CCDC91: variants seen among roughly 807,000 people sequenced by gnomAD.
The protein encoded by CCDC91 is coiled-coil domain containing 91, also known as coiled-coil domain-containing protein 91.
In CCDC91, 48 loss-of-function variants were observed where a neutral mutation model predicts 63.2. The observed-to-expected ratio is 0.76, with a 90% confidence interval of 0.60 to 0.97. CCDC91 has a LOEUF of 0.97. Ranked by LOEUF, CCDC91 falls within the 50% of genes least tolerant of loss-of-function variation. The pLI, the probability that CCDC91 is intolerant of heterozygous loss-of-function variation, is 0.00. For synonymous variants in CCDC91, 167 were observed against 165.8 expected (o/e 1.01, Z -0.06); for missense variants, 500 against 494.6 (o/e 1.01, Z -0.10).
At chr12:28,539,942 A>G (rs1290794721) in intron 12 of CCDC91, among the ~76,000 whole-genome samples, 2 of 152,176 alleles carry the variant, frequency 1.3e-5, no homozygotes, top group Non-Finnish European at 2.9e-5. Flanking sequence ...AAGTCTGTTC[A>G]CAGTAACTTT....
At chr12:28,445,852 C>T (rs1208059649) in intron 8 of CCDC91, among the ~76,000 whole-genome samples, 1 of 152,138 alleles carries the variant, frequency 6.6e-6, no homozygotes. Flanking sequence ...TTTGTCTAAT[C>T]CCAGTTACCT....
intron 6 of CCDC91, among the ~76,000 whole-genome samples, chr12:28,335,969 A>G (rs532923275): frequency 6.6e-6 from 1 of 151,492 alleles, no homozygotes; most frequent in Non-Finnish European, 1.5e-5. Context: ...AAACCACACA[A>G]TTTTTTATCT....
intron 1 of CCDC91, among the ~76,000 whole-genome samples, chr12:28,207,674 A>G (rs1409868048): frequency 6.6e-6 from 1 of 152,202 alleles, no homozygotes; most frequent in African/African-American, 2.4e-5. Context: ...ATGGAATGGA[A>G]CATTGGTTAT....
At chr12:28,211,482 T>C (rs1943230273) in intron 1 of CCDC91, among the ~76,000 whole-genome samples, 1 of 152,184 alleles carries the variant, frequency 6.6e-6, no homozygotes. Flanking sequence ...CCATCATCCC[T>C]AAATCTTTTT....
intron 12 of CCDC91, among the ~76,000 whole-genome samples, chr12:28,490,580 T>G (rs1402719270): frequency 6.6e-6 from 1 of 151,844 alleles, no homozygotes; most frequent in Non-Finnish European, 1.5e-5. Context: ...GGTCACAAAT[T>G]TATCCTTCTT....
chr12:28,244,411 A>T (rs143348800), intron 1 of CCDC91, among the ~76,000 whole-genome samples: 1 of 151,670 alleles, frequency 6.6e-6, no homozygotes, highest in African/African-American at 2.4e-5. Context: ...TGTATAACAA[A>T]TCCAAATTTA....
chr12:28,275,631 A>G (rs1948155556), intron 3 of CCDC91, among the ~76,000 whole-genome samples: 1 of 152,174 alleles, frequency 6.6e-6, no homozygotes, highest in Non-Finnish European at 1.5e-5. Flanking sequence ...TGAGGCCAGC[A>G]TCATCCTGAT....
At chr12:28,465,610 T>C (rs1319806948) in intron 11 of CCDC91, among the ~76,000 whole-genome samples, 1 of 152,182 alleles carries the variant, frequency 6.6e-6, no homozygotes, top group East Asian at 1.9e-4. Context: ...AACCACAGCA[T>C]TCAGTAAGGG....
chr12:28,406,505 G>T (rs1946955474), intron 8 of CCDC91, among the ~76,000 whole-genome samples: 2 of 152,090 alleles, frequency 1.3e-5, no homozygotes, highest in Non-Finnish European at 2.9e-5. Flanking sequence ...GAGAGTTCTT[G>T]ATATATTCTA....
intron 8 of CCDC91, among the ~76,000 whole-genome samples, chr12:28,398,847 A>C (rs908631705): frequency 2.6e-5 from 4 of 152,158 alleles, no homozygotes; most frequent in Non-Finnish European, 5.9e-5. Context: ...TATGTTGTCT[A>C]CTTTCGTAAA....
At chr12:28,375,417 G>A (rs1592476098) in intron 7 of CCDC91, among the ~76,000 whole-genome samples, 1 of 151,546 alleles carries the variant, frequency 6.6e-6, no homozygotes, top group African/African-American at 2.4e-5. Flanking sequence ...TATCCACTTC[G>A]GAATAAAAGA....
intron 3 of CCDC91, among the ~76,000 whole-genome samples, chr12:28,259,697 T>G (rs1946699957): frequency 6.6e-6 from 1 of 151,946 alleles, no homozygotes; most frequent in Admixed American, 6.6e-5. Context: ...CAATTTACAT[T>G]TTTAAATTTA....
intron 6 of CCDC91, among the ~76,000 whole-genome samples, chr12:28,343,834 T>C (rs1263274782): frequency 6.6e-6 from 1 of 152,164 alleles, no homozygotes; most frequent in East Asian, 1.9e-4. Context: ...CTATCTAGGC[T>C]GATGCCTCTG....
At chr12:28,231,814 A>G (rs1044214442) in intron 1 of CCDC91, among the ~76,000 whole-genome samples, 1 of 152,170 alleles carries the variant, frequency 6.6e-6, no homozygotes, top group Non-Finnish European at 1.5e-5. Flanking sequence ...GATATCACAT[A>G]TAATTTGAAG....
chr12:28,544,405 T>C (rs1415933714), intron 12 of CCDC91, among the ~76,000 whole-genome samples: 1 of 152,034 alleles, frequency 6.6e-6, no homozygotes, highest in Non-Finnish European at 1.5e-5. Context: ...CTAGTCACTT[T>C]ACCCATGAGT....
intron 7 of CCDC91, among the ~76,000 whole-genome samples, chr12:28,384,498 C>T (rs1038663616): frequency 2.6e-5 from 4 of 152,068 alleles, no homozygotes; most frequent in Non-Finnish European, 4.4e-5. Flanking sequence ...CATTCTTACA[C>T]GTTGTCCATT....
chr12:28,532,221 G>C (rs1433710330), intron 12 of CCDC91, among the ~76,000 whole-genome samples: 1 of 152,080 alleles, frequency 6.6e-6, no homozygotes. Context: ...AGTAAAAAAG[G>C]TGATGGCCCA....
At chr12:28,516,381 T>G (rs780871021) in intron 12 of CCDC91, among the ~76,000 whole-genome samples, 66 of 151,872 alleles carry the variant, frequency 4.3e-4, no homozygotes, top group Non-Finnish European at 7.8e-4. Flanking sequence ...GGTGGGCAGA[T>G]TGCTTGAGCC....
chr12:28,406,753 T>TAGTTTA (rs148876555), intron 8 of CCDC91, among the ~76,000 whole-genome samples: 32,159 of 151,398 alleles, frequency 0.21, 4,103 homozygotes, highest in Non-Finnish European at 0.3. Flanking sequence ...TTTTAATTCA[T>TAGTTTA]AGTTTATGAA....
Sources: allele counts gnomAD v4.1 joint callset (sites outside exome capture counted in the v4.1 genomes callset), GRCh38; gene constraint gnomAD v4.1.1; transcripts MANE v1.5; gene names NCBI Gene and HGNC (gene_info 2026-07-23, HGNC 2026-07-21).